Variants in NUDCD1 observed in about 807,000 individuals in gnomAD.
NUDCD1 encodes nudC domain-containing protein 1.
In NUDCD1, 60 loss-of-function variants were observed where a neutral mutation model predicts 67.8. The observed-to-expected ratio is 0.88, with a 90% CI of 0.72 to 1.10. The LOEUF is 1.10. Ranked by LOEUF, NUDCD1 falls within the 50% of genes least tolerant of loss-of-function variation. NUDCD1 has a pLI of 0.00. For synonymous variants in NUDCD1, 244 were observed against 230.8 expected (o/e 1.06, Z -0.52); for missense variants, 643 against 695.0 (o/e 0.93, Z 0.84).
intron 6 of NUDCD1, among the ~76,000 whole-genome samples, chr8:109,277,580 A>C (rs1814323036): frequency 6.6e-6 from 1 of 152,232 alleles, no homozygotes; most frequent in Non-Finnish European, 1.5e-5. Flanking sequence ...AATTTACTCA[A>C]GTACAGAAAA....
In NUDCD1 at chr8:109,245,480, A is replaced by C. The variant is rs1813473622; in HGVS notation, c.1301T>G (p.Val434Gly). 6.3e-7 allele frequency: 1 copy of C among 1,588,146 alleles called. No homozygotes were observed. The highest frequency in any genetic ancestry group is 2.2e-5 in the East Asian group (1 of 44,512). ...DGNTLKTTHV[V>G]NLGSNQYLFS... ...AAGGTACTGGTTGCTTCCAAGATTC[A>C]CCTAAAAAGTGATTTAAAAAAAAAT... Residue 434 changes from valine (V) to glycine (G), a missense_variant and splice_region_variant, in exon 9 of 10, where the codon GTG becomes GGG. Transcript: ENST00000239690.
chr8:109,311,060 T>C (rs568825602), intron 2 of NUDCD1, among the ~76,000 whole-genome samples: 63 of 152,186 alleles, frequency 4.1e-4, no homozygotes, highest in African/African-American at 1.5e-3. Flanking sequence ...GTGATCCGCC[T>C]GCCTCAGCCT....
chr8:109,265,874 C>T (rs765189066), intron 8 of NUDCD1, among the ~76,000 whole-genome samples: 28 of 152,106 alleles, frequency 1.8e-4, no homozygotes, highest in Non-Finnish European at 3.1e-4. Context: ...TCCTGCTGTG[C>T]GACCAGGTTC....
chr8:109,293,333 T>G lies in NUDCD1; in HGVS notation c.640+11A>C, dbSNP rs1814753313. The G allele has an allele frequency of 6.7e-7, 1 of 1,494,776 alleles. No homozygotes were observed. Among genetic ancestry groups the G allele is most frequent in the Non-Finnish European group, 9.1e-7 (1 of 1,104,930 alleles). The allele number at this position is 1,494,776 out of a possible 1,614,324, so 92.6% of individuals were successfully genotyped here. A position where few individuals can be genotyped will look rare whatever the true frequency, so the allele number is the denominator to read the frequency against. ...CCAACCAGTAGAGACAGATTCAGAC[T>G]TTTGTTTTACCTTGATTTTTCTTAC... On this transcript the variant is annotated intron_variant, in intron 4 of 9. Coordinates refer to ENST00000239690, the MANE Select transcript of NUDCD1 (RefSeq NM_032869.4).
At position 109,333,951 on chromosome 8, in the gene NUDCD1, G is replaced by C. The variant is rs141250101; in HGVS notation, c.60C>G (p.Phe20Leu). 2.5e-6 allele frequency: 4 copies of C among 1,613,990 alleles called. No homozygotes were observed. The African/African-American group carries it at 4.0e-5, about 16-fold the overall frequency. ...GCTCAAGAGAGAGCTTGTAACCCTC[G>C]AAGCGGGGATCCAACAGAGGTCTCT... Reference protein sequence around the residue: ...RVKRPLLDPRFEGYKLSLEPL... With the variant: ...RVKRPLLDPRLEGYKLSLEPL... Residue 20 changes from phenylalanine to leucine, a missense_variant, in exon 1 of 10, where the codon TTC becomes TTG. Phe to Leu is a conservative substitution (Grantham distance 22, BLOSUM62 0). Coordinates refer to ENST00000239690, the MANE Select transcript of NUDCD1 (RefSeq NM_032869.4).
chr8:109,292,091 A>G (rs1814723998), intron 4 of NUDCD1, among the ~76,000 whole-genome samples: 1 of 152,138 alleles, frequency 6.6e-6, no homozygotes, highest in South Asian at 2.1e-4. Context: ...ATATTTAAAG[A>G]ATAATATTTA....
At position 109,271,003 on chromosome 8, in the gene NUDCD1, A is replaced by G; in HGVS notation, c.1299+2T>C. On this transcript the variant is annotated splice_donor_variant, in intron 8 of 9. Transcript: ENST00000239690. LOFTEE classifies it high-confidence loss of function. ...TTAGAAATATTAATATCAGTAACTT[A>G]CCACATGAGTAGTTTTTAATGTATT... The G allele has an allele frequency of 6.4e-7, 1 of 1,566,692 alleles. No homozygotes were observed. The highest frequency in any genetic ancestry group is 8.7e-7 in the Non-Finnish European group (1 of 1,152,486).
At chr8:109,245,843 G>A (rs1483972241) in intron 8 of NUDCD1, among the ~76,000 whole-genome samples, 1 of 152,178 alleles carries the variant, frequency 6.6e-6, no homozygotes, top group African/African-American at 2.4e-5. Flanking sequence ...CCCAGTCACT[G>A]AGCCGCAGAC....
intron 2 of NUDCD1, among the ~76,000 whole-genome samples, chr8:109,314,488 C>A (rs1025090704): frequency 6.6e-6 from 1 of 152,064 alleles, no homozygotes; most frequent in Non-Finnish European, 1.5e-5. Context: ...AATGACAGGG[C>A]CAAGACTCAA....
At chr8:109,333,752 G>C in intron 1 of NUDCD1, 141 bp downstream of exon 1, 1 of 871,174 alleles carries the variant, frequency 1.1e-6, no homozygotes. Flanking sequence ...TTCCCCAGAA[G>C]CAGCGGCCTC....
chr8:109,323,904 T>C (rs997711090), intron 1 of NUDCD1, among the ~76,000 whole-genome samples: 10 of 152,024 alleles, frequency 6.6e-5, no homozygotes, highest in Non-Finnish European at 8.8e-5. Context: ...TAGACTCCTA[T>C]CTCTCATCAT....
chr8:109,315,503 A>G (rs1815369872), intron 2 of NUDCD1: 2 of 152,148 alleles, frequency 1.3e-5, no homozygotes, highest in African/African-American at 4.8e-5. Context: ...TCTCCATCCC[A>G]TTCAATTTCC....
chr8:109,293,683 A>C (rs1814764345), intron 3 of NUDCD1, among the ~76,000 whole-genome samples, 159 bp from the exon 4 acceptor site: 1 of 152,036 alleles, frequency 6.6e-6, no homozygotes, highest in East Asian at 1.9e-4. Context: ...AAAGACTGCA[A>C]GTTTAGATAA....
intron 8 of NUDCD1, among the ~76,000 whole-genome samples, chr8:109,268,409 C>T (rs1814056703): frequency 6.6e-6 from 1 of 152,114 alleles, no homozygotes; most frequent in South Asian, 2.1e-4. Flanking sequence ...TAAGCAGATC[C>T]ACTAAGCTTT....
intron 8 of NUDCD1, 55 bp downstream of exon 8, chr8:109,270,950 C>A: frequency 8.5e-7 from 1 of 1,181,818 alleles, no homozygotes; most frequent in South Asian, 1.4e-5. Context: ...TTAGACCAAT[C>A]ATTATCTGAG....
Position 109,280,949 on chromosome 8 carries a change from TA to T in NUDCD1, c.1028+18del. On this transcript the variant is annotated intron_variant, in intron 6 of 9. Transcript: ENST00000239690. ...AAAAAAAGATAATAGAATATTAAAGTAAAATTAAAAAAAAATACCTATTACT... is the reference window on the plus strand; with the variant it reads ...AAAAAAAGATAATAGAATATTAAAGTAAATTAAAAAAAAATACCTATTACT... 2 of 1,191,406 alleles carry T rather than the reference TA, an allele frequency of 1.7e-6. No homozygotes were observed. Among genetic ancestry groups the T allele is most frequent in the Non-Finnish European group, 2.3e-6 (2 of 886,396 alleles). The allele number at this position is 1,191,406 out of a possible 1,614,324, so 73.8% of individuals were successfully genotyped here.
intron 2 of NUDCD1, among the ~76,000 whole-genome samples, chr8:109,312,320 A>G (rs79504508): frequency 7.4e-6 from 1 of 136,052 alleles, no homozygotes; most frequent in African/African-American, 2.8e-5. Flanking sequence ...AAAAAAAAAA[A>G]GCCCCAAATC....
intron 2 of NUDCD1, among the ~76,000 whole-genome samples, chr8:109,312,800 C>T (rs983811857): frequency 5.9e-5 from 9 of 152,164 alleles, no homozygotes; most frequent in Non-Finnish European, 2.9e-5. Context: ...AATAGTTTCA[C>T]AAAACATACA....
intron 6 of NUDCD1, among the ~76,000 whole-genome samples, chr8:109,276,407 A>C (rs1414167620): frequency 6.6e-6 from 1 of 152,226 alleles, no homozygotes; most frequent in East Asian, 1.9e-4. Context: ...TCTTTCGTAC[A>C]CATGTACCAT....
Sources: gnomAD v4.1 joint callset for allele counts (sites outside exome capture counted in the v4.1 genomes callset) on GRCh38, gnomAD v4.1.1 for gene constraint, MANE v1.5 for transcripts, NCBI Gene and HGNC (gene_info 2026-07-23, HGNC 2026-07-21) for gene names.